GMDS: variants seen among roughly 807,000 people sequenced by gnomAD.
GMDS encodes the protein GDP-mannose 4,6 dehydratase.
Under a neutral mutation model 49.9 loss-of-function variants are expected in GMDS, and 20 were observed. The observed-to-expected ratio is 0.40, with a 90% confidence interval of 0.28 to 0.58. GMDS has a LOEUF of 0.58. Among genes scored for constraint, GMDS ranks in the 20% least tolerant of loss-of-function variants. The pLI is 0.42. For missense variants in GMDS, 362 were observed against 481.4 expected (o/e 0.75, Z 2.32); for synonymous variants, 177 against 178.6 (o/e 0.99, Z 0.07).
intron 4 of GMDS, among the ~76,000 whole-genome samples, chr6:2,075,411 T>A (rs1292486268): frequency 6.6e-6 from 1 of 151,764 alleles, no homozygotes; most frequent in African/African-American, 2.4e-5. Flanking sequence ...CCTAATGCTA[T>A]CCCTCCCCAC....
At chr6:1,632,516 G>A (rs542625528) in intron 9 of GMDS, among the ~76,000 whole-genome samples, 9 of 152,254 alleles carry the variant, frequency 5.9e-5, no homozygotes, top group South Asian at 2.1e-4. Context: ...GAGTGTGTGC[G>A]TTTGTCAGAA....
chr6:2,244,440 A>C (rs1337658190), intron 1 of GMDS, among the ~76,000 whole-genome samples: 1 of 152,074 alleles, frequency 6.6e-6, no homozygotes, highest in Non-Finnish European at 1.5e-5. Context: ...GATACCCAGG[A>C]GCACACACAT....
At position 1,900,345 on chromosome 6, in the gene GMDS, C is replaced by T. The variant is rs542462501; in HGVS notation, c.771+29758G>A. On this transcript the variant is annotated intron_variant, in intron 7 of 10. Transcript: ENST00000380815. ...TCTACAGTGAACACCGTCAACAATG[C>T]GTGCAGGAAAAAATTTTAAAATGTC... 4.6e-5 allele frequency among the ~76,000 whole-genome samples: 7 copies of T among 152,262 alleles called. 1 individual carries two copies. The South Asian group carries it at 6.2e-4, about 14-fold the overall frequency.
chr6:1,789,712 ATT>A (rs1009240191), intron 7 of GMDS, among the ~76,000 whole-genome samples: 1 of 150,912 alleles, frequency 6.6e-6, no homozygotes, highest in African/African-American at 2.4e-5. Flanking sequence ...ATTTTTGTGT[ATT>A]TTTTTTGTAG....
rs1425695561 is a variant in GMDS at position 2,191,687 on chromosome 6, A to C, written c.102+53634T>G. On this transcript the variant is annotated intron_variant, in intron 1 of 10. Coordinates refer to ENST00000380815, the MANE Select transcript of GMDS (RefSeq NM_001500.4). The surrounding 1 kb of genome is among the most constrained non-coding windows in gnomAD (Gnocchi z 4.6). The stretch of plus-strand genomic sequence containing the variant: ...GTCCTGCCACCTCAGCTCCCTCCAG[A>C]CTCTGTGTGCTGACAAGCATGGGAT... 6.6e-6 allele frequency among the ~76,000 whole-genome samples: 1 copy of C among 152,094 alleles called. No homozygotes were observed. The highest frequency in any genetic ancestry group is 1.5e-5 in the Non-Finnish European group (1 of 67,994).
intron 4 of GMDS, among the ~76,000 whole-genome samples, chr6:2,017,012 G>A (rs75358973): frequency 0.014 from 2,078 of 151,666 alleles, 50 homozygotes; most frequent in African/African-American, 0.049. Context: ...AAGACAAATC[G>A]ATCCCCAAGT....
At chr6:1,908,032 G>A (rs764349263) in intron 7 of GMDS, among the ~76,000 whole-genome samples, 8 of 152,096 alleles carry the variant, frequency 5.3e-5, no homozygotes, top group Non-Finnish European at 1.0e-4. Context: ...GCATCAAAAC[G>A]CTTGCACCAT....
chr6:2,167,797 C>A (rs937562159), intron 1 of GMDS, among the ~76,000 whole-genome samples: 1 of 152,116 alleles, frequency 6.6e-6, no homozygotes, highest in African/African-American at 2.4e-5. Context: ...ACACAGACTT[C>A]CATTTCGGCA....
At chr6:1,658,359 C>T (rs776513606) in intron 9 of GMDS, among the ~76,000 whole-genome samples, 6 of 152,270 alleles carry the variant, frequency 3.9e-5, no homozygotes, top group Non-Finnish European at 7.3e-5. Context: ...GGCTTTCCCA[C>T]CTGGGCCTTG....
intron 7 of GMDS, among the ~76,000 whole-genome samples, chr6:1,788,393 T>A (rs1405728089): frequency 2.0e-5 from 3 of 152,226 alleles, no homozygotes; most frequent in Non-Finnish European, 4.4e-5. Flanking sequence ...AATGGCTTAA[T>A]TCTGGGGGCA....
At chr6:2,113,984 G>A (rs77961642) in intron 4 of GMDS, among the ~76,000 whole-genome samples, 2,916 of 152,250 alleles carry the variant, frequency 0.019, 103 homozygotes, top group African/African-American at 0.064. Flanking sequence ...AATAGCCTAT[G>A]ATTTCTATTA....
chr6:1,688,756 G>C (rs1047895337), intron 9 of GMDS, among the ~76,000 whole-genome samples: 11 of 152,166 alleles, frequency 7.2e-5, no homozygotes, highest in Admixed American at 5.2e-4. Flanking sequence ...AAGATAGCCA[G>C]CTAACACTTG....
At chr6:1,682,473 G>C (rs1208293158) in intron 9 of GMDS, among the ~76,000 whole-genome samples, 1 of 152,244 alleles carries the variant, frequency 6.6e-6, no homozygotes, top group East Asian at 1.9e-4. Context: ...TTGCCACTGG[G>C]AGGACCGGGG....
chr6:1,840,827 A>G (rs1411149025), intron 7 of GMDS, among the ~76,000 whole-genome samples: 2 of 152,222 alleles, frequency 1.3e-5, no homozygotes, highest in African/African-American at 4.8e-5. Flanking sequence ...TCTTGAGGGT[A>G]ATCTCAACAA....
At chr6:1,731,789 A>G (rs1207208481) in intron 8 of GMDS, among the ~76,000 whole-genome samples, 1 of 152,184 alleles carries the variant, frequency 6.6e-6, no homozygotes, top group Non-Finnish European at 1.5e-5. Flanking sequence ...CCCCCAGAGG[A>G]GCATGAAGTG....
intron 4 of GMDS, among the ~76,000 whole-genome samples, chr6:2,001,160 A>T (rs1251726496): frequency 6.6e-6 from 1 of 152,156 alleles, no homozygotes; most frequent in Non-Finnish European, 1.5e-5. Flanking sequence ...ACCTGTTATG[A>T]TCTGACTTTT....
At chr6:2,240,687 T>C (rs1445816375) in intron 1 of GMDS, among the ~76,000 whole-genome samples, 1 of 151,362 alleles carries the variant, frequency 6.6e-6, no homozygotes, top group Admixed American at 6.6e-5. Context: ...TTGAACAAAA[T>C]GTAATGCACT....
intron 1 of GMDS, among the ~76,000 whole-genome samples, chr6:2,216,303 C>T (rs1027858350): frequency 6.6e-6 from 1 of 152,204 alleles, no homozygotes; most frequent in African/African-American, 2.4e-5. Context: ...TGTGTTTAAA[C>T]TCAATTGAAG....
intron 7 of GMDS, among the ~76,000 whole-genome samples, chr6:1,753,045 A>C (rs1215255751): frequency 6.6e-6 from 1 of 152,236 alleles, no homozygotes; most frequent in East Asian, 1.9e-4. Flanking sequence ...TAGTAACCTT[A>C]AATGTAAATG....
Sources: allele counts gnomAD v4.1 joint callset (sites outside exome capture counted in the v4.1 genomes callset), GRCh38; gene constraint gnomAD v4.1.1; non-coding constraint Gnocchi (gnomAD v3.1); transcripts MANE v1.5; gene names NCBI Gene and HGNC (gene_info 2026-07-23, HGNC 2026-07-21).